The following DACH1 variants were observed in gnomAD, a reference collection of about 807,000 sequenced individuals.
DACH1 encodes the protein dachshund homolog 1.
A neutral mutation model predicts 54.2 loss-of-function variants in DACH1; 12 were observed. The ratio of observed to expected loss-of-function variants is 0.22; its 90% CI spans 0.14 to 0.36. The LOEUF (loss-of-function observed/expected upper bound fraction) is 0.36. DACH1 is among the 10% of genes least tolerant of loss of function. DACH1 has a pLI of 1.00. For synonymous variants in DACH1, 386 were observed against 366.2 expected, an observed-to-expected ratio of 1.05 and a Z score of -0.62; for missense variants, 805 against 929.8, an observed-to-expected ratio of 0.87 and a Z score of 1.75.
intron 2 of DACH1, among the ~76,000 whole-genome samples, chr13:71,648,244 C>T (rs1878431624): frequency 6.6e-6 from 1 of 152,166 alleles, no homozygotes; most frequent in Admixed American, 6.5e-5. Context: ...GACACTCAAA[C>T]TTTTCCAGTA....
At chr13:71,586,373 T>C (rs1392354470) in intron 3 of DACH1, among the ~76,000 whole-genome samples, 1 of 152,168 alleles carries the variant, frequency 6.6e-6, no homozygotes, top group African/African-American at 2.4e-5. Flanking sequence ...TCAATCTTTT[T>C]TAAAGAAAAA....
At chr13:71,648,545 TA>T (rs1406201679) in intron 2 of DACH1, among the ~76,000 whole-genome samples, 1 of 152,054 alleles carries the variant, frequency 6.6e-6, no homozygotes, top group Non-Finnish European at 1.5e-5. Context: ...AATAATTAAT[TA>T]AAAGTTTAAA....
At chr13:71,549,951 A>G (rs1006456142) in intron 6 of DACH1, among the ~76,000 whole-genome samples, 6 of 152,186 alleles carry the variant, frequency 3.9e-5, no homozygotes, top group Non-Finnish European at 7.4e-5. Flanking sequence ...ATTATTTTTA[A>G]TACAATCATT....
At chr13:71,707,154 G>A (rs772196518) in intron 1 of DACH1, among the ~76,000 whole-genome samples, 3 of 152,146 alleles carry the variant, frequency 2.0e-5, no homozygotes, top group Non-Finnish European at 4.4e-5. Context: ...AAGCTCTTGG[G>A]GTGACAGGCA....
At chr13:71,803,269 A>G (rs926273470) in intron 1 of DACH1, among the ~76,000 whole-genome samples, 5 of 152,114 alleles carry the variant, frequency 3.3e-5, no homozygotes, top group African/African-American at 1.2e-4. Context: ...CATCCTGTTT[A>G]GCAATTTCAT....
intron 1 of DACH1, among the ~76,000 whole-genome samples, chr13:71,848,057 T>C (rs568905686): frequency 7.2e-5 from 11 of 152,250 alleles, no homozygotes; most frequent in Non-Finnish European, 1.0e-4. Context: ...GTATTTAGTT[T>C]AAGAAAATTC....
intron 10 of DACH1, among the ~76,000 whole-genome samples, chr13:71,470,724 A>G (rs1417514215): frequency 1.3e-5 from 2 of 152,148 alleles, no homozygotes; most frequent in African/African-American, 4.8e-5. Flanking sequence ...TCATATCCAC[A>G]AGATCTAACA....
At chr13:71,807,657 A>G (rs918332669) in intron 1 of DACH1, among the ~76,000 whole-genome samples, 1 of 152,196 alleles carries the variant, frequency 6.6e-6, no homozygotes, top group Non-Finnish European at 1.5e-5. Flanking sequence ...CTAATAATGT[A>G]TCTTTGGTCA....
At chr13:71,766,141 C>T (rs1284838745) in intron 1 of DACH1, among the ~76,000 whole-genome samples, 1 of 152,164 alleles carries the variant, frequency 6.6e-6, no homozygotes, top group Admixed American at 6.5e-5. Context: ...CCGCCTCGGC[C>T]TCCCAAAGTG....
At chr13:71,480,594 A>G (rs1196894060) in intron 7 of DACH1, among the ~76,000 whole-genome samples, 1 of 152,170 alleles carries the variant, frequency 6.6e-6, no homozygotes, top group African/African-American at 2.4e-5. Context: ...GAAGTAGAAG[A>G]TATTTTGCCT....
At chr13:71,636,132 G>T (rs1877474608) in intron 2 of DACH1, among the ~76,000 whole-genome samples, 1 of 151,954 alleles carries the variant, frequency 6.6e-6, no homozygotes, top group South Asian at 2.1e-4. Flanking sequence ...CTCAGAACTA[G>T]GCAATCAGCT....
At chr13:71,667,088 T>C (rs1356417178) in intron 2 of DACH1, among the ~76,000 whole-genome samples, 1 of 152,074 alleles carries the variant, frequency 6.6e-6, no homozygotes, top group Non-Finnish European at 1.5e-5. Flanking sequence ...TGAAGGCCTA[T>C]AACAAGGAAT....
chr13:71,866,342 C>T lies in DACH1; in HGVS notation c.428G>A (p.Ser143Asn). The change falls in exon 1 of 11, where the codon AGC (serine) becomes AAC (asparagine). Residue 143 changes from serine to asparagine, a missense_variant. This residue lies in a region of DACH1 where 305 missense variants were observed against 308.7 expected (regional missense o/e 0.99). Coordinates refer to ENST00000613252, the MANE Select transcript of DACH1 (RefSeq NM_080759.6). ...PINASTGSSS[S>N]SSSSSSSSSS... is the part of the protein sequence containing the mutation. ...GCTGCTGCTGCTGCTGCTACTGCTG[C>T]TGCTGCTGCTGCCGGTGCTGGCGTT... 1 of 1,534,932 alleles carries T rather than the reference C, an allele frequency of 6.5e-7. No homozygotes were observed.
rs1352890579 is a variant in DACH1 at position 71,748,899 on chromosome 13, T to TTTCTTTCTTTCTTTCC, written c.849-66990_849-66989insGGAAAGAAAGAAAGAA. Among the ~76,000 whole-genome samples, 38 of 15,398 alleles carry TTTCTTTCTTTCTTTCC rather than the reference T, an allele frequency of 2.5e-3. 1 individual carries two copies. The highest frequency in any genetic ancestry group is 4.4e-3 in the African/African-American group (37 of 8,338). 10.1% of individuals were successfully genotyped at this position (15,398 alleles called of 152,430 possible). A position where few individuals can be genotyped will look rare whatever the true frequency, so the allele number is the denominator to read the frequency against. On this transcript the variant is annotated intron_variant, in intron 1 of 10. Coordinates refer to ENST00000613252, the MANE Select transcript of DACH1 (RefSeq NM_080759.6). ...CTTTCTTTCTTTCTTTCTTTCTTTC[T>TTTCTTTCTTTCTTTCC]CTTTCTTTCTTTCTTTCTTTCTTTC...
intron 10 of DACH1, among the ~76,000 whole-genome samples, chr13:71,444,857 G>A (rs1179239944): frequency 6.6e-6 from 1 of 151,952 alleles, no homozygotes; most frequent in Non-Finnish European, 1.5e-5. Flanking sequence ...CTATTCTACA[G>A]CACGCCAAAC....
chr13:71,460,077 A>G (rs1245460605), intron 10 of DACH1, among the ~76,000 whole-genome samples: 1 of 152,080 alleles, frequency 6.6e-6, no homozygotes, highest in Non-Finnish European at 1.5e-5. Context: ...GAAAAGAGTC[A>G]TACATAAAAA....
At chr13:71,573,895 C>A (rs1290185829) in intron 3 of DACH1, among the ~76,000 whole-genome samples, 8 of 152,116 alleles carry the variant, frequency 5.3e-5, no homozygotes, top group African/African-American at 1.9e-4. Flanking sequence ...CTCCTTGGAA[C>A]TGAAACACAC....
At chr13:71,841,770 T>C (rs1001731851) in intron 1 of DACH1, among the ~76,000 whole-genome samples, 2 of 152,246 alleles carry the variant, frequency 1.3e-5, no homozygotes, top group East Asian at 3.9e-4. Flanking sequence ...TTGGTCATTA[T>C]GACTTTTCTA....
chr13:71,644,289 T>G (rs965685176), intron 2 of DACH1, among the ~76,000 whole-genome samples: 4 of 152,226 alleles, frequency 2.6e-5, no homozygotes, highest in Admixed American at 6.5e-5. Context: ...ACAATTAAAA[T>G]TTTTGAAAGG....
Sources: gnomAD v4.1 joint callset for allele counts (sites outside exome capture counted in the v4.1 genomes callset) on GRCh38, gnomAD v4.1.1 for gene constraint, gnomAD v4.1.1 regional missense constraint, MANE v1.5 for transcripts, NCBI Gene and HGNC (gene_info 2026-07-23, HGNC 2026-07-21) for gene names.